The following MSRB3 variants were observed in gnomAD, a reference collection of about 807,000 sequenced individuals.
MSRB3 encodes methionine-R-sulfoxide reductase B3.
MSRB3 carries 13 observed loss-of-function variants against 21.0 expected under a neutral mutation model. The observed-to-expected ratio is 0.62, with a 90% CI of 0.40 to 0.98. The LOEUF (loss-of-function observed/expected upper bound fraction) is 0.98. Among genes scored for constraint, MSRB3 ranks in the 50% least tolerant of loss-of-function variants. The pLI is 0.00. For synonymous variants in MSRB3, 87 were observed against 88.6 expected, an observed-to-expected ratio of 0.98 and a Z score of 0.10; for missense variants, 199 against 230.3, an observed-to-expected ratio of 0.86 and a Z score of 0.88.
At chr12:65,373,818 G>A (rs1420373604) in intron 5 of MSRB3, among the ~76,000 whole-genome samples, 1 of 152,134 alleles carries the variant, frequency 6.6e-6, no homozygotes, top group African/African-American at 2.4e-5. Context: ...TGCTGAAGGA[G>A]GGAGGGCGGA....
At position 65,408,748 on chromosome 12, in the gene MSRB3, A is replaced by G. The variant is rs576005201; in HGVS notation, c.292+39722A>G. Among the ~76,000 whole-genome samples the G allele has an allele frequency of 2.0e-5, 3 of 152,090 alleles. No homozygotes were observed. In the East Asian group the frequency reaches 5.8e-4, roughly 30 times the overall value. Reference sequence around the variant, plus strand: ...AAGCTAGAAAGGGCCAGAATTGGTTATTTCCCTTCCCCAACAGAGAAGGCT... The same window carrying G: ...AAGCTAGAAAGGGCCAGAATTGGTTGTTTCCCTTCCCCAACAGAGAAGGCT... On this transcript the variant is annotated intron_variant, in intron 5 of 6. Transcript: ENST00000308259.
chr12:65,291,154 C>T (rs558190375), intron 1 of MSRB3, among the ~76,000 whole-genome samples: 4 of 151,794 alleles, frequency 2.6e-5, no homozygotes, highest in East Asian at 1.9e-4. Context: ...GGCACGATCT[C>T]GGCTCACTGC....
intron 5 of MSRB3, among the ~76,000 whole-genome samples, chr12:65,446,993 A>G (rs1311906967): frequency 6.6e-6 from 1 of 152,208 alleles, no homozygotes; most frequent in Admixed American, 6.5e-5. Context: ...ACAAGCCTGG[A>G]AGACTGCTCT....
intron 5 of MSRB3, among the ~76,000 whole-genome samples, chr12:65,400,778 T>C (rs1880082516): frequency 6.6e-6 from 1 of 152,200 alleles, no homozygotes; most frequent in Non-Finnish European, 1.5e-5. Context: ...AAACACTGCT[T>C]TAGCTATGTC....
intron 2 of MSRB3, among the ~76,000 whole-genome samples, chr12:65,313,914 G>A (rs1874139230): frequency 6.6e-6 from 1 of 152,094 alleles, no homozygotes; most frequent in African/African-American, 2.4e-5. Context: ...GATGGCACTA[G>A]GTTTACATTC....
chr12:65,292,974 G>T (rs1872745560), intron 1 of MSRB3, among the ~76,000 whole-genome samples: 1 of 152,072 alleles, frequency 6.6e-6, no homozygotes, highest in Middle Eastern at 3.2e-3. Flanking sequence ...TGTACTAAAT[G>T]AGAAAAGTAA....
intron 1 of MSRB3, among the ~76,000 whole-genome samples, chr12:65,297,994 A>G (rs373826824): frequency 1.2e-3 from 186 of 151,700 alleles, no homozygotes; most frequent in African/African-American, 4.3e-3. Flanking sequence ...GCCTGGATAG[A>G]TGGGTCTACT....
rs776162758 is a variant in MSRB3, at chr12:65,321,144, G to A, written c.77-5682G>A. ...TTCCTGAATACTTACCACCTTCTAA[G>A]AGACTATATAATTTACTTACTTATT... On this transcript the variant is annotated intron_variant, in intron 2 of 6. Transcript: ENST00000308259. Among the ~76,000 whole-genome samples, 94 of 152,024 alleles carry A rather than the reference G, an allele frequency of 6.2e-4. 2 individuals are homozygous for A. Among genetic ancestry groups the A allele is most frequent in the Non-Finnish European group, 1.5e-4 (10 of 68,002 alleles).
chr12:65,394,893 A>G (rs1221580272), intron 5 of MSRB3, among the ~76,000 whole-genome samples: 1 of 152,166 alleles, frequency 6.6e-6, no homozygotes, highest in Non-Finnish European at 1.5e-5. Flanking sequence ...CACTCAACAA[A>G]CTAGGAATAG....
At chr12:65,431,087 T>G (rs1292918327) in intron 5 of MSRB3, among the ~76,000 whole-genome samples, 1 of 152,048 alleles carries the variant, frequency 6.6e-6, no homozygotes, top group Non-Finnish European at 1.5e-5. Context: ...ATCTTATGAG[T>G]CATAAAATTC....
chr12:65,438,760 G>A (rs1290466752), intron 5 of MSRB3, among the ~76,000 whole-genome samples: 2 of 151,720 alleles, frequency 1.3e-5, no homozygotes, highest in Non-Finnish European at 2.9e-5. Flanking sequence ...AAGACAATGG[G>A]TCTTTATGGA....
intron 5 of MSRB3, among the ~76,000 whole-genome samples, chr12:65,383,784 C>G (rs552636519): frequency 2.0e-5 from 3 of 151,862 alleles, no homozygotes; most frequent in South Asian, 2.1e-4. Context: ...CCTCAGCTCC[C>G]AAGTAGCTGG....
intron 1 of MSRB3, 154 bp downstream of exon 1, chr12:65,279,019 G>C: frequency 1.4e-6 from 2 of 1,446,032 alleles, no homozygotes; most frequent in South Asian, 1.4e-5. Flanking sequence ...AGCCGAGAAG[G>C]GGAGCAGAAG....
chr12:65,289,486 C>G (rs540119016), intron 1 of MSRB3, among the ~76,000 whole-genome samples: 1 of 152,224 alleles, frequency 6.6e-6, no homozygotes, highest in Non-Finnish European at 1.5e-5. Flanking sequence ...GAGTGAGATT[C>G]TATCTAAAAA....
In MSRB3 at chr12:65,466,357, C is replaced by T. The variant is rs888588477; in HGVS notation, c.*3035C>T. 1 of 152,146 alleles carries T rather than the reference C, an allele frequency of 6.6e-6. No homozygotes were observed. The highest frequency in any genetic ancestry group is 1.5e-5 in the Non-Finnish European group (1 of 68,028). The allele number at this position is 152,146 out of a possible 1,614,324, so 9.4% of individuals were successfully genotyped here. On this transcript the variant is annotated 3_prime_UTR_variant, in exon 7 of 7. Coordinates refer to ENST00000308259, the MANE Select transcript of MSRB3 (RefSeq NM_001031679.3). ...GTCAGTGAGCAATAATGTCAGCTGT[C>T]AAGCACTAGATTTATTTTTGCAGGA...
At chr12:65,440,707 T>C (rs1031501847) in intron 5 of MSRB3, among the ~76,000 whole-genome samples, 5 of 151,956 alleles carry the variant, frequency 3.3e-5, no homozygotes, top group Non-Finnish European at 7.4e-5. Flanking sequence ...CAAGAAATAG[T>C]AACCTATGGA....
At chr12:65,286,134 A>G (rs938899806) in intron 1 of MSRB3, 2 of 152,254 alleles carry the variant, frequency 1.3e-5, no homozygotes, top group African/African-American at 4.8e-5. Flanking sequence ...ATATTTGGAA[A>G]GTATACATGT....
At chr12:65,298,638 CTCTTT>C (rs1189225817) in intron 1 of MSRB3, among the ~76,000 whole-genome samples, 1 of 149,272 alleles carries the variant, frequency 6.7e-6, no homozygotes, top group Non-Finnish European at 1.5e-5. Flanking sequence ...CATAAAACTT[CTCTTT>C]TATCTGCTAT....
At chr12:65,393,326 A>G (rs886209144) in intron 5 of MSRB3, among the ~76,000 whole-genome samples, 1 of 152,094 alleles carries the variant, frequency 6.6e-6, no homozygotes, top group Admixed American at 6.6e-5. Context: ...TCGTTTTATT[A>G]TAAGGGAGAC....
Sources: gnomAD v4.1 joint callset for allele counts (sites outside exome capture counted in the v4.1 genomes callset) on GRCh38, gnomAD v4.1.1 for gene constraint, MANE v1.5 for transcripts, NCBI Gene and HGNC (gene_info 2026-07-23, HGNC 2026-07-21) for gene names.